Variants in TMOD2 observed in about 807,000 individuals in gnomAD.
The protein encoded by TMOD2 is tropomodulin 2, also known as tropomodulin-2.
A neutral mutation model predicts 39.9 loss-of-function variants in TMOD2; 22 were observed. The observed-to-expected ratio is 0.55, with a 90% CI of 0.39 to 0.79. The LOEUF (loss-of-function observed/expected upper bound fraction) is 0.79. Among genes scored for constraint, TMOD2 ranks in the 30% least tolerant of loss-of-function variants. The pLI is 0.00. For synonymous variants in TMOD2, 123 were observed against 146.1 expected (o/e 0.84, Z 1.14); for missense variants, 386 against 413.3 (o/e 0.93, Z 0.57).
chr15:51,778,254 C>T (rs35823585), intron 5 of TMOD2, among the ~76,000 whole-genome samples: 59,997 of 147,100 alleles, frequency 0.41, 12,253 homozygotes, highest in Admixed American at 0.46. Flanking sequence ...ACCAACACCG[C>T]ATCTTCTCAC....
chr15:51,756,922 C>G (rs2055746051), intron 1 of TMOD2, among the ~76,000 whole-genome samples: 2 of 152,146 alleles, frequency 1.3e-5, no homozygotes, highest in African/African-American at 4.8e-5. Flanking sequence ...CAGGCGGTTG[C>G]TGTGTTATAT....
chr15:51,776,722 G>A (rs776414792), intron 4 of TMOD2, among the ~76,000 whole-genome samples: 167 of 152,146 alleles, frequency 1.1e-3, no homozygotes, highest in Non-Finnish European at 1.9e-3. Flanking sequence ...ATGTGGAGAC[G>A]TAGAAAGACA....
chr15:51,815,498 T>C lies in TMOD2; in HGVS notation c.*7044T>C, dbSNP rs1275036090. ...GAGAGGCTGGCCCAAGATTTAAAAC[T>C]TCCTGTGGGTAATCTAACTGTGAGT... On this transcript the variant is annotated 3_prime_UTR_variant, in exon 10 of 10. Coordinates refer to ENST00000249700, the MANE Select transcript of TMOD2 (RefSeq NM_014548.4). The C allele has an allele frequency of 6.6e-6, 1 of 152,164 alleles. No homozygotes were observed. The highest frequency in any genetic ancestry group is 1.5e-5 in the Non-Finnish European group (1 of 68,028). The allele number at this position is 152,164 out of a possible 1,614,324, so 9.4% of individuals were successfully genotyped here.
chr15:51,753,113 A>T (rs1161229612), intron 1 of TMOD2, among the ~76,000 whole-genome samples: 2 of 152,202 alleles, frequency 1.3e-5, no homozygotes, highest in African/African-American at 2.4e-5. Flanking sequence ...TTGCGTACTG[A>T]TGGATCATTG....
intron 1 of TMOD2, among the ~76,000 whole-genome samples, chr15:51,763,386 A>G (rs952448288): frequency 5.9e-5 from 9 of 152,374 alleles, no homozygotes; most frequent in African/African-American, 2.2e-4. Flanking sequence ...AGTGAAATGC[A>G]TTCATTAGTT....
intron 8 of TMOD2, 110 bp downstream of exon 8, chr15:51,798,450 G>T: frequency 7.8e-7 from 1 of 1,287,918 alleles, no homozygotes; most frequent in South Asian, 1.4e-5. Context: ...GACTCAATTT[G>T]ATGTACTGGA....
At chr15:51,765,103 C>G (rs1387992944) in intron 1 of TMOD2, among the ~76,000 whole-genome samples, 1 of 152,116 alleles carries the variant, frequency 6.6e-6, no homozygotes, top group Non-Finnish European at 1.5e-5. Flanking sequence ...CGGGTTCAAG[C>G]AATTCTCCTG....
chr15:51,804,355 A>G (rs769335928), intron 8 of TMOD2, among the ~76,000 whole-genome samples: 5 of 152,228 alleles, frequency 3.3e-5, no homozygotes, highest in Admixed American at 6.5e-5. Flanking sequence ...TCAAAACAAT[A>G]TGCTAGTATA....
chr15:51,752,175 T>C (rs2055709612), intron 1 of TMOD2, among the ~76,000 whole-genome samples: 2 of 152,072 alleles, frequency 1.3e-5, no homozygotes, highest in Non-Finnish European at 2.9e-5. Context: ...CTGGCCGGCG[T>C]CTTTCCTGAG....
Position 51,810,559 on chromosome 15 carries a change from G to C in TMOD2, c.*2105G>C, listed in dbSNP as rs1433222474. On this transcript the variant is annotated 3_prime_UTR_variant, in exon 10 of 10. Coordinates refer to ENST00000249700, the MANE Select transcript of TMOD2 (RefSeq NM_014548.4). ...GAAATTGGGGTTTTCTCCCTCTCCAGATTGCTGGTTGATAAACATTCATCA... is the reference window on the plus strand; with the variant it reads ...GAAATTGGGGTTTTCTCCCTCTCCACATTGCTGGTTGATAAACATTCATCA... 1 of 152,110 alleles carries C rather than the reference G, an allele frequency of 6.6e-6. No homozygotes were observed. Among genetic ancestry groups the C allele is most frequent in the Non-Finnish European group, 1.5e-5 (1 of 68,024 alleles). The allele number at this position is 152,110 out of a possible 1,614,324, so 9.4% of individuals were successfully genotyped here. A position where few individuals can be genotyped will look rare whatever the true frequency, so the allele number is the denominator to read the frequency against.
At chr15:51,773,938 G>A in intron 4 of TMOD2, 104 bp downstream of exon 4, 1 of 1,284,688 alleles carries the variant, frequency 7.8e-7, no homozygotes, top group Non-Finnish European at 1.1e-6. Flanking sequence ...GTAGGAGAAT[G>A]ACAGGTTGAC....
At position 51,808,510 on chromosome 15, in the gene TMOD2, CTCT is replaced by C. The variant is rs1437847719; in HGVS notation, c.*65_*67del. On this transcript the variant is annotated 3_prime_UTR_variant, in exon 10 of 10. Transcript: ENST00000249700. ...TGGTATGGCCATTGAAAAACAAAAA[CTCT>C]TCTTCTTCCCCATCAGGACCATTTT... 21 of 1,469,234 alleles carry C rather than the reference CTCT, an allele frequency of 1.4e-5. No individual in the cohort carries two copies. The highest frequency in any genetic ancestry group is 1.7e-4 in the Middle Eastern group (1 of 5,762). 91.0% of individuals were successfully genotyped at this position (1,469,234 alleles called of 1,614,324 possible).
chr15:51,766,083 G>C (rs1406938371), intron 1 of TMOD2, among the ~76,000 whole-genome samples: 1 of 152,188 alleles, frequency 6.6e-6, no homozygotes. Flanking sequence ...CTGTGACCTC[G>C]AGCAAGGCAC....
chr15:51,783,019 G>A, intron 7 of TMOD2, 191 bp downstream of exon 7: 1 of 564,864 alleles, frequency 1.8e-6, no homozygotes, highest in East Asian at 3.1e-5. Flanking sequence ...AAGTTATCTG[G>A]AATTTTGTCA....
At chr15:51,768,969 C>T (rs75159124) in intron 3 of TMOD2, among the ~76,000 whole-genome samples, 1 of 152,180 alleles carries the variant, frequency 6.6e-6, no homozygotes, top group Non-Finnish European at 1.5e-5. Flanking sequence ...ATGTGTAACA[C>T]CAAGAGTGAA....
intron 1 of TMOD2, among the ~76,000 whole-genome samples, chr15:51,757,660 A>G (rs558866480): frequency 6.6e-6 from 1 of 152,248 alleles, no homozygotes; most frequent in East Asian, 1.9e-4. Context: ...GGACAGACAC[A>G]CCACTGGAGG....
chr15:51,758,714 A>G (rs528927312), intron 1 of TMOD2, among the ~76,000 whole-genome samples: 1 of 152,232 alleles, frequency 6.6e-6, no homozygotes, highest in Non-Finnish European at 1.5e-5. Flanking sequence ...AAGGGGTAGC[A>G]TGGAGATGGG....
intron 3 of TMOD2, among the ~76,000 whole-genome samples, chr15:51,771,330 A>C (rs1211945135): frequency 6.6e-6 from 1 of 152,232 alleles, no homozygotes; most frequent in African/African-American, 2.4e-5. Flanking sequence ...AGGCTGCACA[A>C]CCACAGTTCT....
rs991007873 is a variant in TMOD2, at chr15:51,766,410, G to A, written c.-32G>A. On this transcript the variant is annotated 5_prime_UTR_variant, in exon 2 of 10. Coordinates refer to ENST00000249700, the MANE Select transcript of TMOD2 (RefSeq NM_014548.4). ...TCAGGAAACTGGACCATTTAAATGTGCATGGCCCATGAGAAAGGCTTATAA... is the reference window on the plus strand; with the variant it reads ...TCAGGAAACTGGACCATTTAAATGTACATGGCCCATGAGAAAGGCTTATAA... 1.2e-6 allele frequency: 2 copies of A among 1,606,290 alleles called. No individual in the cohort carries two copies. Among genetic ancestry groups the A allele is most frequent in the Non-Finnish European group, 1.7e-6 (2 of 1,175,536 alleles).
Sources: allele counts gnomAD v4.1 joint callset (sites outside exome capture counted in the v4.1 genomes callset), GRCh38; gene constraint gnomAD v4.1.1; transcripts MANE v1.5; gene names NCBI Gene and HGNC (gene_info 2026-07-23, HGNC 2026-07-21).